TRIM33: variants seen among roughly 807,000 people sequenced by gnomAD.
TRIM33 encodes the protein E3 ubiquitin-protein ligase TRIM33.
TRIM33 carries 20 observed loss-of-function variants against 125.4 expected under a neutral mutation model. The observed-to-expected ratio is 0.16, with a 90% CI of 0.11 to 0.23. The LOEUF (loss-of-function observed/expected upper bound fraction) is 0.23, where lower values mean the gene tolerates loss of function less well. TRIM33 is among the 10% of genes least tolerant of loss of function. TRIM33 has a pLI of 1.00. For missense variants in TRIM33, 920 were observed against 1,411.4 expected, an observed-to-expected ratio of 0.65 and a Z score of 5.58; for synonymous variants, 564 against 513.9, an observed-to-expected ratio of 1.10 and a Z score of -1.32.
At chr1:114,441,721 GC>G (rs1209784893) in intron 4 of TRIM33, among the ~76,000 whole-genome samples, 3 of 152,190 alleles carry the variant, frequency 2.0e-5, no homozygotes, top group Non-Finnish European at 4.4e-5. Context: ...CAACCCATCT[GC>G]CCTCTTTGCC....
At chr1:114,426,421 C>T (rs922637132) in intron 8 of TRIM33, among the ~76,000 whole-genome samples, 20 of 151,632 alleles carry the variant, frequency 1.3e-4, no homozygotes, top group African/African-American at 4.4e-4. Context: ...TTAGCTACTA[C>T]GTCACACAAA....
chr1:114,500,450 T>C (rs528024453), intron 1 of TRIM33, among the ~76,000 whole-genome samples: 1 of 152,070 alleles, frequency 6.6e-6, no homozygotes, highest in African/African-American at 2.4e-5. Flanking sequence ...GCCATCCTCC[T>C]GCCTCAGCCT....
chr1:114,455,418 C>T (rs776619492), intron 4 of TRIM33, among the ~76,000 whole-genome samples: 1 of 152,120 alleles, frequency 6.6e-6, no homozygotes, highest in Non-Finnish European at 1.5e-5. Context: ...TGAGGGGGCC[C>T]CTTTTGCATG....
intron 1 of TRIM33, among the ~76,000 whole-genome samples, chr1:114,510,159 C>G (rs1399102359): frequency 1.3e-5 from 2 of 152,166 alleles, no homozygotes; most frequent in African/African-American, 4.8e-5. Flanking sequence ...GCCCTTACCT[C>G]TTACCTACTC....
At chr1:114,467,996 AAG>A (rs1233990885) in intron 1 of TRIM33, among the ~76,000 whole-genome samples, 2 of 152,206 alleles carry the variant, frequency 1.3e-5, no homozygotes, top group Non-Finnish European at 2.9e-5. Context: ...TCCAAATGAT[AAG>A]AGAGTCCTGT....
At position 114,405,403 on chromosome 1, in the gene TRIM33, C is replaced by T; in HGVS notation, c.2768+7G>A. 6.3e-7 allele frequency: 1 copy of T among 1,584,938 alleles called. No individual in the cohort carries two copies. Among genetic ancestry groups the T allele is most frequent in the Non-Finnish European group, 8.6e-7 (1 of 1,166,098 alleles). Reference sequence around the variant, plus strand: ...TCAACACCAAAAATCAATTATTTCACTGGTACCTTGGAAAGCTAAGTAGTG... The same window carrying T: ...TCAACACCAAAAATCAATTATTTCATTGGTACCTTGGAAAGCTAAGTAGTG... On this transcript the variant is annotated splice_region_variant and intron_variant, in intron 15 of 19. Coordinates refer to ENST00000358465, the MANE Select transcript of TRIM33 (RefSeq NM_015906.4).
intron 11 of TRIM33, among the ~76,000 whole-genome samples, chr1:114,410,597 T>C (rs1319278411): frequency 2.6e-5 from 4 of 152,188 alleles, no homozygotes; most frequent in Non-Finnish European, 5.9e-5. Context: ...CTTCTGCTGT[T>C]TCTCAAAATT....
At position 114,414,027 on chromosome 1, in the gene TRIM33, G is replaced by GCACACACACACACA. The variant is rs3077592; in HGVS notation, c.2062-3725_2062-3712dup. Among the ~76,000 whole-genome samples, 349 of 130,672 alleles carry GCACACACACACACA rather than the reference G, an allele frequency of 2.7e-3. 6 individuals are homozygous for GCACACACACACACA. The highest frequency in any genetic ancestry group is 7.7e-3 in the South Asian group (27 of 3,524). The allele number at this position is 130,672 out of a possible 152,430, so 85.7% of individuals were successfully genotyped here. A position where few individuals can be genotyped will look rare whatever the true frequency, so the allele number is the denominator to read the frequency against. On this transcript the variant is annotated intron_variant, in intron 11 of 19. Transcript: ENST00000358465. ...CAAAATAAACCAAAATAAATCACAG[G>GCACACACACACACA]CACACACACACACACACACACACAC...
chr1:114,460,197 A>C (rs1033274004), intron 4 of TRIM33: 1 of 206,786 alleles, frequency 4.8e-6, no homozygotes, highest in African/African-American at 2.3e-5. Context: ...GGAAAAGGCT[A>C]ATGGCACAAC....
At position 114,510,757 on chromosome 1, in the gene TRIM33, G is replaced by A; in HGVS notation, c.320C>T (p.Pro107Leu). 1.3e-6 allele frequency: 2 copies of A among 1,523,534 alleles called. No homozygotes were observed. Among genetic ancestry groups the A allele is most frequent in the Non-Finnish European group, 1.8e-6 (2 of 1,140,762 alleles). The allele number at this position is 1,523,534 out of a possible 1,614,324, so 94.4% of individuals were successfully genotyped here. A position where few individuals can be genotyped will look rare whatever the true frequency, so the allele number is the denominator to read the frequency against. Residue 107 changes from proline (P) to leucine (L), a missense_variant, in exon 1 of 20, where the codon CCG (proline) becomes CTG (leucine). Physicochemically the swap from Pro to Leu is moderately conservative, Grantham distance 98. This residue lies in a region of TRIM33 where 233 missense variants were observed against 189.6 expected (regional missense o/e 1.23). Coordinates refer to ENST00000358465, the MANE Select transcript of TRIM33 (RefSeq NM_015906.4). ...PAPAPASAPA[P>L]GPSAGPPPGP... is the part of the protein sequence containing the mutation. ...AGGAGGCGGCCCTGCCGAGGGACCC[G>A]GAGCGGGAGCCGAGGCTGGAGCTGG...
Position 114,394,447 on chromosome 1 carries a change from C to G in TRIM33, c.*3201G>C, listed in dbSNP as rs564380975. 9.2e-6 allele frequency: 2 copies of G among 217,836 alleles called. No homozygotes were observed. The highest frequency in any genetic ancestry group is 4.5e-5 in the African/African-American group (2 of 44,438). The allele number at this position is 217,836 out of a possible 1,614,324, so 13.5% of individuals were successfully genotyped here. On this transcript the variant is annotated 3_prime_UTR_variant, in exon 20 of 20. Transcript: ENST00000358465. ...TCACTAATAATTACATGGCAGGATACCTGCTGAGGTAATTGATAAATCTAC... is the reference window on the plus strand; with the variant it reads ...TCACTAATAATTACATGGCAGGATAGCTGCTGAGGTAATTGATAAATCTAC...
intron 1 of TRIM33, among the ~76,000 whole-genome samples, chr1:114,498,126 CAA>C (rs71090785): frequency 1.1e-4 from 8 of 74,172 alleles, no homozygotes; most frequent in Middle Eastern, 7.2e-3. Flanking sequence ...GACTCTGTCT[CAA>C]AAAAAAAAAA....
At chr1:114,481,318 A>T (rs1651316385) in intron 1 of TRIM33, among the ~76,000 whole-genome samples, 1 of 152,122 alleles carries the variant, frequency 6.6e-6, no homozygotes, top group African/African-American at 2.4e-5. Context: ...CATAGGCCAG[A>T]TGTGGTGGCT....
At chr1:114,447,120 G>T (rs879670621) in intron 4 of TRIM33, among the ~76,000 whole-genome samples, 5 of 152,170 alleles carry the variant, frequency 3.3e-5, no homozygotes, top group African/African-American at 9.7e-5. Flanking sequence ...TTTGAGCAGG[G>T]GAGTGATACA....
At chr1:114,507,795 T>G (rs1235556390) in intron 1 of TRIM33, among the ~76,000 whole-genome samples, 2 of 152,074 alleles carry the variant, frequency 1.3e-5, no homozygotes, top group Non-Finnish European at 2.9e-5. Flanking sequence ...GAGTTAATAC[T>G]GACAAATTAT....
At chr1:114,414,162 A>G (rs936916365) in intron 11 of TRIM33, among the ~76,000 whole-genome samples, 2 of 152,126 alleles carry the variant, frequency 1.3e-5, no homozygotes, top group African/African-American at 4.8e-5. Flanking sequence ...CAGGTGAAAG[A>G]ATGGGGTAGA....
intron 14 of TRIM33, 89 bp downstream of exon 14, chr1:114,406,852 A>T: frequency 1.6e-6 from 2 of 1,278,192 alleles, no homozygotes; most frequent in Non-Finnish European, 2.2e-6. Flanking sequence ...ATGTTTCTAG[A>T]CCCACTACTT....
intron 9 of TRIM33, 104 bp from the exon 10 acceptor site, chr1:114,424,859 A>C (rs865938591): frequency 2.3e-5 from 19 of 838,396 alleles, no homozygotes; most frequent in Middle Eastern, 3.8e-4. Context: ...AAAAGGGTAT[A>C]AAGTAAAAAG....
intron 1 of TRIM33, among the ~76,000 whole-genome samples, chr1:114,508,837 TACTTC>T (rs1463980693): frequency 1.3e-5 from 2 of 152,220 alleles, no homozygotes; most frequent in Non-Finnish European, 2.9e-5. Flanking sequence ...CATTTTATCT[TACTTC>T]ATTCTCTCAA....
Sources: gnomAD v4.1 joint callset for allele counts (sites outside exome capture counted in the v4.1 genomes callset) on GRCh38, gnomAD v4.1.1 for gene constraint, gnomAD v4.1.1 regional missense constraint, MANE v1.5 for transcripts, NCBI Gene and HGNC (gene_info 2026-07-23, HGNC 2026-07-21) for gene names.